The following RHCE variants were observed in gnomAD, a reference collection of about 807,000 sequenced individuals.
RHCE encodes the protein Rh blood group CcEe antigens.
In RHCE, 22 loss-of-function variants were observed where a neutral mutation model predicts 43.8. The ratio of observed to expected loss-of-function variants is 0.50; its 90% CI spans 0.36 to 0.72. The LOEUF is 0.72. RHCE is among the 30% of genes least tolerant of loss of function. RHCE has a pLI of 0.00. For missense variants in RHCE, 385 were observed against 525.4 expected, an observed-to-expected ratio of 0.73 and a Z score of 2.61; for synonymous variants, 156 against 210.7, an observed-to-expected ratio of 0.74 and a Z score of 2.25.
intron 8 of RHCE, among the ~76,000 whole-genome samples, chr1:25,372,690 G>A (rs1212592082): frequency 1.3e-5 from 2 of 151,708 alleles, no homozygotes; most frequent in African/African-American, 4.9e-5. Flanking sequence ...CCTTAAATAA[G>A]TATAGACAGG....
At position 25,390,869 on chromosome 1, in the gene RHCE, C is replaced by G. The variant is rs377717243; in HGVS notation, c.681G>C (p.Leu227=). 4 of 1,614,100 alleles carry G rather than the reference C, an allele frequency of 2.5e-6. No individual in the cohort carries two copies. The African/African-American group carries it at 5.3e-5, about 22-fold the overall frequency. ...WMFWPSVNSA[L]LRSPIQRKNA... is the part of the protein sequence containing the mutation. ...TCTTCCTTTGGATTGGACTTCTCAG[C>G]AGAGCAGAGTTGACACTTGGCCAGA... Residue 227 remains leucine (L), a synonymous_variant, in exon 5 of 10, where the codon CTG becomes CTC. Coordinates refer to ENST00000294413, the MANE Select transcript of RHCE (RefSeq NM_020485.8).
At chr1:25,411,334 ACTCACCTGC>A (rs1647070193) in intron 1 of RHCE, 1 of 1,550,222 alleles carries the variant, frequency 6.5e-7, no homozygotes, top group Non-Finnish European at 8.7e-7. Flanking sequence ...AGCAATAGGA[ACTCACCTGC>A]CACTGGTCTC....
intron 2 of RHCE, among the ~76,000 whole-genome samples, chr1:25,405,925 G>A (rs1423933562): frequency 8.1e-6 from 1 of 122,806 alleles, no homozygotes; most frequent in African/African-American, 2.5e-5. Flanking sequence ...GACGGGAACC[G>A]GTCAGGAAGG....
At chr1:25,401,844 ATC>A (rs1159051642) in intron 3 of RHCE, among the ~76,000 whole-genome samples, 38 of 149,544 alleles carry the variant, frequency 2.5e-4, no homozygotes, top group African/African-American at 8.9e-4. Context: ...TCATTTGGGT[ATC>A]TATCTATCTA....
upstream of RHCE, among the ~76,000 whole-genome samples, chr1:25,423,959 G>A (rs547483849): frequency 3.3e-5 from 5 of 152,312 alleles, no homozygotes; most frequent in South Asian, 6.2e-4. Flanking sequence ...CCGACGTACG[G>A]TGGTTTGACT....
upstream of RHCE, among the ~76,000 whole-genome samples, chr1:25,425,545 G>T (rs2042799059): frequency 1.3e-5 from 2 of 152,196 alleles, no homozygotes; most frequent in Non-Finnish European, 2.9e-5. Context: ...TATGAGTCAA[G>T]TAAGATGTAC....
rs35366666 is a variant in RHCE, at chr1:25,406,250, CGTGTGTGTGTGT to C, written c.335+2421_335+2432del. Among the ~76,000 whole-genome samples, 8 of 117,122 alleles carry C rather than the reference CGTGTGTGTGTGT, an allele frequency of 6.8e-5. 1 individual carries two copies. The highest frequency in any genetic ancestry group is 4.6e-4 in the South Asian group (1 of 2,162). 76.8% of individuals were successfully genotyped at this position (117,122 alleles called of 152,430 possible). On this transcript the variant is annotated intron_variant, in intron 2 of 9. Coordinates refer to ENST00000294413, the MANE Select transcript of RHCE (RefSeq NM_020485.8). ...GTATGCGGGCGTGCGTGCGTGCGTGCGTGTGTGTGTGTGTGTGTGTGTGTGTATTGAATCCCG... is the reference window on the plus strand; with the variant it reads ...GTATGCGGGCGTGCGTGCGTGCGTGCGTGTGTGTGTGTGTATTGAATCCCG...
At chr1:25,402,893 G>C in intron 2 of RHCE, 147 bp from the exon 3 acceptor site, 1 of 1,176,120 alleles carries the variant, frequency 8.5e-7, no homozygotes, top group Non-Finnish European at 1.2e-6. Flanking sequence ...CCTGGGCGCT[G>C]ATGCTGCAGA....
Position 25,370,543 on chromosome 1 carries a change from G to A in RHCE, c.1154-3C>T, listed in dbSNP as rs772797082. 2 of 1,600,912 alleles carry A rather than the reference G, an allele frequency of 1.2e-6. No homozygotes were observed. Among genetic ancestry groups the A allele is most frequent in the South Asian group, 1.1e-5 (1 of 90,854 alleles). On this transcript the variant is annotated splice_polypyrimidine_tract_variant and splice_region_variant and intron_variant, in intron 8 of 9. Coordinates refer to ENST00000294413, the MANE Select transcript of RHCE (RefSeq NM_020485.8). Reference sequence around the variant, plus strand: ...TATTTTGAGATTTAGGAGCAAACCTGTTTAAATGCATAATTTAATGTTAAA... The same window carrying A: ...TATTTTGAGATTTAGGAGCAAACCTATTTAAATGCATAATTTAATGTTAAA...
chr1:25,426,910 A>G (rs1488097496), intron 2 of RHCE, among the ~76,000 whole-genome samples: 1 of 152,138 alleles, frequency 6.6e-6, no homozygotes, highest in Non-Finnish European at 1.5e-5. Context: ...CACAAAAATT[A>G]TCCAGGCGTG....
intron 5 of RHCE, among the ~76,000 whole-genome samples, chr1:25,390,112 G>C (rs622708): frequency 6.7e-6 from 1 of 150,088 alleles, no homozygotes; most frequent in East Asian, 2.0e-4. Context: ...TGGACCCCCT[G>C]CCCCCATCAT....
At chr1:25,414,195 AGTTC>A (rs1411461560) in intron 1 of RHCE, among the ~76,000 whole-genome samples, 1 of 151,440 alleles carries the variant, frequency 6.6e-6, no homozygotes, top group African/African-American at 2.4e-5. Context: ...ACTTGCAAAG[AGTTC>A]GTTTGGATAA....
In RHCE at chr1:25,397,506, A is replaced by AAAAAAAAAAAAC. The variant is rs1646588859; in HGVS notation, c.486+5089_486+5090insGTTTTTTTTTTT. 2.0e-5 allele frequency among the ~76,000 whole-genome samples: 3 copies of AAAAAAAAAAAAC among 151,110 alleles called. No homozygotes were observed. The South Asian group carries it at 6.3e-4, about 32-fold the overall frequency. On this transcript the variant is annotated intron_variant, in intron 3 of 9. Transcript: ENST00000294413. ...CAGCGAAACTCCATCTGAAAAAAAA[A>AAAAAAAAAAAAC]AAAAAAACTTCCCATATTCCCTCCC...
In RHCE at chr1:25,392,057, G is replaced by A; in HGVS notation, c.571C>T (p.Leu191=). The change falls in exon 4 of 10, where the codon CTA becomes TTA. Residue 191 remains leucine, a synonymous_variant. Coordinates refer to ENST00000294413, the MANE Select transcript of RHCE (RefSeq NM_020485.8). ...LTVAWCLPKP[L]PKGTEDNDQR... is the part of the protein sequence containing the mutation. ...TCATTATCCTCCGTTCCCTTGGGTA[G>A]AGGCTTTGGCAGGCACCAGGCCACA... The A allele has an allele frequency of 6.2e-7, 1 of 1,614,166 alleles. No homozygotes were observed. Among genetic ancestry groups the A allele is most frequent in the Non-Finnish European group, 8.5e-7 (1 of 1,180,042 alleles).
At chr1:25,392,991 A>C (rs1646427748) in intron 3 of RHCE, among the ~76,000 whole-genome samples, 1 of 152,126 alleles carries the variant, frequency 6.6e-6, no homozygotes, top group African/African-American at 2.4e-5. Flanking sequence ...GAGTGATATA[A>C]ATTTTGCAAC....
intron 2 of RHCE, 40 bp from the exon 3 acceptor site, chr1:25,402,786 G>A (rs1158125439): frequency 1.9e-6 from 3 of 1,610,380 alleles, no homozygotes; most frequent in South Asian, 2.2e-5. Context: ...TGAGAAGGAA[G>A]GATGCCTCTC....
chr1:25,423,457 C>T (rs1413654397), upstream of RHCE, among the ~76,000 whole-genome samples: 2 of 152,190 alleles, frequency 1.3e-5, no homozygotes, highest in African/African-American at 4.8e-5. Context: ...GTGGTTGGTT[C>T]CAAGGCACTC....
Position 25,408,293 on chromosome 1 carries a change from AG to A in RHCE, c.335+389del, listed in dbSNP as rs1325398319. Among the ~76,000 whole-genome samples, 91 of 120,584 alleles carry A rather than the reference AG, an allele frequency of 7.5e-4. 6 individuals are homozygous for A. The highest frequency in any genetic ancestry group is 2.3e-3 in the African/African-American group (89 of 38,586). The allele number at this position is 120,584 out of a possible 152,430, so 79.1% of individuals were successfully genotyped here. A position where few individuals can be genotyped will look rare whatever the true frequency, so the allele number is the denominator to read the frequency against. The stretch of plus-strand genomic sequence containing the variant: ...CAAAAGCGAAACTCCGTCTCAAAAA[AG>A]AAAAAAAAAAAATAGAATGTCTCTC... On this transcript the variant is annotated intron_variant, in intron 2 of 9. Transcript: ENST00000294413.
chr1:25,389,637 C>T (rs1557616041), intron 5 of RHCE, among the ~76,000 whole-genome samples: 1 of 152,060 alleles, frequency 6.6e-6, no homozygotes, highest in African/African-American at 2.4e-5. Context: ...AATGAGTTTC[C>T]ACATATAAAG....
Sources: allele counts gnomAD v4.1 joint callset (sites outside exome capture counted in the v4.1 genomes callset), GRCh38; gene constraint gnomAD v4.1.1; transcripts MANE v1.5; gene names NCBI Gene and HGNC (gene_info 2026-07-23, HGNC 2026-07-21).